DZIP1: variants seen among roughly 807,000 people sequenced by gnomAD.
DZIP1 encodes the protein DAZ interacting zinc finger protein 1, also known as cilium assembly protein DZIP1.
In DZIP1, 97 loss-of-function variants were observed where a neutral mutation model predicts 107.6. That is an observed-to-expected ratio of 0.90 (90% CI 0.77 to 1.07). DZIP1 has a LOEUF of 1.07. Among genes scored for constraint, DZIP1 ranks in the 50% least tolerant of loss-of-function variants. The probability of loss-of-function intolerance (pLI) is 0.00; values close to 1 mark genes in which losing one functional copy is unlikely to be tolerated. For missense variants in DZIP1, 1,035 were observed against 1,063.6 expected, an observed-to-expected ratio of 0.97 and a Z score of 0.37; for synonymous variants, 390 against 386.4, an observed-to-expected ratio of 1.01 and a Z score of -0.11.
At chr13:95,638,693 G>GGTGC (rs1878123355) in intron 5 of DZIP1, among the ~76,000 whole-genome samples, 1 of 151,640 alleles carries the variant, frequency 6.6e-6, no homozygotes, top group Non-Finnish European at 1.5e-5. Context: ...AACCCATTAG[G>GGTGC]ATGCGTGCGT....
At chr13:95,606,252 C>A (rs184282544) in intron 13 of DZIP1, among the ~76,000 whole-genome samples, 193 bp from the exon 14 acceptor site, 1 of 152,268 alleles carries the variant, frequency 6.6e-6, no homozygotes, top group Non-Finnish European at 1.5e-5. Context: ...GAGATATGTT[C>A]CCCTTTTAAA....
At chr13:95,606,108 T>C in intron 13 of DZIP1, 49 bp from the exon 14 acceptor site, 2 of 1,596,652 alleles carry the variant, frequency 1.3e-6, no homozygotes, top group South Asian at 1.1e-5. Flanking sequence ...AATTAAAGCA[T>C]AAGCATCCGA....
intron 10 of DZIP1, among the ~76,000 whole-genome samples, chr13:95,617,178 T>G (rs1224760698): frequency 1.3e-5 from 2 of 150,774 alleles, no homozygotes; most frequent in African/African-American, 4.9e-5. Context: ...CTCCAGCCCG[T>G]GCAACAGAGT....
At chr13:95,632,901 G>T (rs754134233) in intron 6 of DZIP1, among the ~76,000 whole-genome samples, 10 of 152,124 alleles carry the variant, frequency 6.6e-5, no homozygotes, top group Admixed American at 1.3e-4. Flanking sequence ...CCATTGTCCT[G>T]CGCTATGATC....
At chr13:95,586,835 T>C (rs1050817917) in intron 20 of DZIP1, among the ~76,000 whole-genome samples, 3 of 152,168 alleles carry the variant, frequency 2.0e-5, no homozygotes, top group Non-Finnish European at 2.9e-5. Flanking sequence ...TCAGCTCTAC[T>C]TCTCGTCAGC....
At chr13:95,592,170 T>C (rs1278981802) in intron 16 of DZIP1, among the ~76,000 whole-genome samples, 1 of 152,166 alleles carries the variant, frequency 6.6e-6, no homozygotes, top group Non-Finnish European at 1.5e-5. Flanking sequence ...TCCAAATCAC[T>C]GTTTCAAAAC....
chr13:95,589,246 G>A, intron 18 of DZIP1, 39 bp from the exon 19 acceptor site: 1 of 1,438,984 alleles, frequency 6.9e-7, no homozygotes, highest in Non-Finnish European at 9.6e-7. Flanking sequence ...AATTGCATAA[G>A]TTAATAATAT....
chr13:95,618,234 C>T (rs923012076), intron 10 of DZIP1, among the ~76,000 whole-genome samples: 10 of 152,296 alleles, frequency 6.6e-5, no homozygotes, highest in East Asian at 1.9e-4. Context: ...GTACTGTAAG[C>T]GGTCTGAGGG....
Position 95,590,332 on chromosome 13 carries a change from A to T in DZIP1, c.1790T>A (p.Phe597Tyr), listed in dbSNP as rs2044279007. Residue 597 changes from phenylalanine to tyrosine, a missense_variant, in exon 17 of 23, where the codon TTC becomes TAC. Coordinates refer to ENST00000376829, the MANE Select transcript of DZIP1 (RefSeq NM_198968.4). ...EIPNFHQIREFLEHQVSCKIE... is the reference protein window; with the variant it reads ...EIPNFHQIREYLEHQVSCKIE... ...TTTACAGCTGACTTGATGTTCAAGG[A>T]ATTCTCGAATTTGATGAAAGTTAGG... 6.2e-7 allele frequency: 1 copy of T among 1,613,960 alleles called. No homozygotes were observed. Among genetic ancestry groups the T allele is most frequent in the Non-Finnish European group, 8.5e-7 (1 of 1,179,952 alleles).
At chr13:95,590,000 C>T (rs1030240224) in intron 17 of DZIP1, 68 bp from the exon 18 acceptor site, 55 of 1,549,198 alleles carry the variant, frequency 3.6e-5, no homozygotes, top group East Asian at 1.4e-4. Flanking sequence ...CAAAGGTAAA[C>T]GGTATAATAC....
At chr13:95,611,400 G>A in intron 12 of DZIP1, 45 bp downstream of exon 12, 2 of 1,519,484 alleles carry the variant, frequency 1.3e-6, no homozygotes, top group African/African-American at 2.7e-5. Flanking sequence ...CAGTGCAATT[G>A]GGGAGGTTCC....
At chr13:95,614,803 T>C (rs1344420354) in intron 10 of DZIP1, among the ~76,000 whole-genome samples, 1 of 152,106 alleles carries the variant, frequency 6.6e-6, no homozygotes, top group Non-Finnish European at 1.5e-5. Flanking sequence ...CGCTTATCTG[T>C]GACTGCCTGT....
rs552512440 is a variant in DZIP1, at chr13:95,581,470, T to A, written c.*764A>T. The A allele has an allele frequency of 6.6e-5, 10 of 152,512 alleles. No homozygotes were observed. In the South Asian group the frequency reaches 2.1e-3, roughly 32 times the overall value. 9.4% of individuals were successfully genotyped at this position (152,512 alleles called of 1,614,324 possible). On this transcript the variant is annotated 3_prime_UTR_variant, in exon 23 of 23. Transcript: ENST00000376829. ...TATCCAAGATAAAGAATATGCTATA[T>A]AAAATAACCAACCATTTAATAGTAA...
chr13:95,626,870 CTT>C (rs1294161098), intron 7 of DZIP1, among the ~76,000 whole-genome samples: 1 of 152,080 alleles, frequency 6.6e-6, no homozygotes, highest in African/African-American at 2.4e-5. Context: ...TTGAAGAACA[CTT>C]AAATAAATGG....
At chr13:95,623,643 T>C (rs1360069249) in intron 8 of DZIP1, among the ~76,000 whole-genome samples, 2 of 152,176 alleles carry the variant, frequency 1.3e-5, no homozygotes, top group East Asian at 1.9e-4. Context: ...TCCAATGTTT[T>C]AAAAATTTAA....
chr13:95,624,207 G>A (rs1238023512), intron 8 of DZIP1, among the ~76,000 whole-genome samples: 1 of 152,184 alleles, frequency 6.6e-6, no homozygotes, highest in Non-Finnish European at 1.5e-5. Context: ...TCTAACCAGG[G>A]AGCTTAGAAT....
intron 13 of DZIP1, 62 bp downstream of exon 13, chr13:95,609,390 AAAGTT>A (rs2044902763): frequency 1.9e-6 from 2 of 1,069,948 alleles, no homozygotes; most frequent in Non-Finnish European, 2.6e-6. Context: ...ATAGTAAGTA[AAAGTT>A]ATGTTTTGGT....
chr13:95,626,333 C>A (rs1033037336), intron 7 of DZIP1, among the ~76,000 whole-genome samples: 1 of 152,194 alleles, frequency 6.6e-6, no homozygotes, highest in Non-Finnish European at 1.5e-5. Context: ...AACTGACAAA[C>A]CTTCAGCCAC....
intron 22 of DZIP1, among the ~76,000 whole-genome samples, chr13:95,584,049 T>C (rs2044078564): frequency 6.6e-6 from 1 of 151,940 alleles, no homozygotes; most frequent in African/African-American, 2.4e-5. Context: ...TGATCTCAGC[T>C]CACTGCAACC....
Sources: gnomAD v4.1 joint callset for allele counts (sites outside exome capture counted in the v4.1 genomes callset) on GRCh38, gnomAD v4.1.1 for gene constraint, MANE v1.5 for transcripts, NCBI Gene and HGNC (gene_info 2026-07-23, HGNC 2026-07-21) for gene names.